Variants in RBPJ observed in about 807,000 individuals in gnomAD.
RBPJ encodes recombining binding protein suppressor of hairless.
A neutral mutation model predicts 67.8 loss-of-function variants in RBPJ; 9 were observed. That is an observed-to-expected ratio of 0.13 (90% CI 0.08 to 0.23). RBPJ has a LOEUF of 0.23. RBPJ is among the 10% of genes least tolerant of loss of function. The probability of loss-of-function intolerance (pLI) is 1.00; values close to 1 mark genes in which losing one functional copy is unlikely to be tolerated. For synonymous variants in RBPJ, 198 were observed against 203.3 expected (o/e 0.97, Z 0.22); for missense variants, 305 against 595.6 (o/e 0.51, Z 5.08).
chr4:26,318,575 A>T (rs1333156403), upstream of RBPJ, among the ~76,000 whole-genome samples: 1 of 152,246 alleles, frequency 6.6e-6, no homozygotes, highest in Admixed American at 6.5e-5. Flanking sequence ...AAGAAATTTT[A>T]AAAATCGTGT....
intron 1 of RBPJ, among the ~76,000 whole-genome samples, chr4:26,273,905 C>T (rs989782610): frequency 6.6e-5 from 10 of 152,146 alleles, no homozygotes; most frequent in African/African-American, 9.7e-5. Context: ...CGATTAGGCC[C>T]GGCTTTACTT....
intron 1 of RBPJ, among the ~76,000 whole-genome samples, chr4:26,368,619 G>T (rs557016277): frequency 3.3e-5 from 5 of 152,178 alleles, no homozygotes; most frequent in Non-Finnish European, 7.3e-5. Flanking sequence ...AAACTAAACT[G>T]CATTCTAGTT....
rs1560212209 is a variant in RBPJ at position 26,210,756 on chromosome 4, T to TTTACTTCTTTACTTCTTTCC, written c.-167+47144_-167+47145insACTTCTTTACTTCTTTCCTT. ...CTTTACTTCTTTCCTTCTTTCCTTC[T>TTTACTTCTTTACTTCTTTCC]TTCTTTCTTTCTTTCTTTCTTTCTT... On this transcript the variant is annotated intron_variant, in intron 1 of 4. Transcript: ENST00000512351. Among the ~76,000 whole-genome samples the TTTACTTCTTTACTTCTTTCC allele has an allele frequency of 7.4e-5, 8 of 108,434 alleles. No homozygotes were observed. The East Asian group carries it at 2.1e-3, about 29-fold the overall frequency. 71.1% of individuals were successfully genotyped at this position (108,434 alleles called of 152,430 possible).
At chr4:26,418,263 C>T (rs530682895) in intron 4 of RBPJ, among the ~76,000 whole-genome samples, 13 of 152,220 alleles carry the variant, frequency 8.5e-5, no homozygotes, top group African/African-American at 2.6e-4. Flanking sequence ...TCTAGAATTC[C>T]GTTAGCTAAT....
chr4:26,111,222 T>C, the RBPJ span, among the ~76,000 whole-genome samples: 1 of 152,010 alleles, frequency 6.6e-6, no homozygotes, highest in Non-Finnish European at 1.5e-5. Flanking sequence ...CAAACTCTTC[T>C]CATTGAGAGT....
chr4:26,266,480 G>A (rs1288968024), intron 1 of RBPJ, among the ~76,000 whole-genome samples: 1 of 152,134 alleles, frequency 6.6e-6, no homozygotes, highest in Non-Finnish European at 1.5e-5. Context: ...TAAACTAGGG[G>A]AAACTTAGCA....
intron 1 of RBPJ, among the ~76,000 whole-genome samples, chr4:26,164,245 G>A (rs1294485587): frequency 6.6e-6 from 1 of 152,204 alleles, no homozygotes; most frequent in African/African-American, 2.4e-5. Flanking sequence ...AAATGTTCAT[G>A]CATGCGTTTA....
the RBPJ span, among the ~76,000 whole-genome samples, chr4:26,145,405 C>T: frequency 6.6e-6 from 1 of 152,186 alleles, no homozygotes; most frequent in East Asian, 1.9e-4. Context: ...TGTCCACAGC[C>T]CCACCCAAAG....
intron 1 of RBPJ, among the ~76,000 whole-genome samples, chr4:26,218,171 G>A (rs7692708): frequency 0.73 from 110,680 of 152,072 alleles, 40,821 homozygotes; most frequent in East Asian, 0.91. Flanking sequence ...GATCTGGGTT[G>A]GGAGACCCTA....
chr4:26,374,334 G>A (rs1408687498), intron 1 of RBPJ, among the ~76,000 whole-genome samples: 1 of 152,118 alleles, frequency 6.6e-6, no homozygotes, highest in Non-Finnish European at 1.5e-5. Context: ...CTGAAGGTTT[G>A]GGAAGGTAAT....
chr4:26,226,834 T>C (rs1382353756), intron 1 of RBPJ, among the ~76,000 whole-genome samples: 1 of 152,186 alleles, frequency 6.6e-6, no homozygotes, highest in African/African-American at 2.4e-5. Context: ...TTAGAATGCA[T>C]GCAATAAAAC....
chr4:26,308,004 C>T (rs944715350), intron 1 of RBPJ, among the ~76,000 whole-genome samples: 3 of 152,158 alleles, frequency 2.0e-5, no homozygotes, highest in Admixed American at 6.5e-5. Flanking sequence ...AGGCCTGGAG[C>T]GGTGGCTCAC....
At chr4:26,121,831 A>G in the RBPJ span, among the ~76,000 whole-genome samples, 2 of 151,336 alleles carry the variant, frequency 1.3e-5, no homozygotes, top group Non-Finnish European at 2.9e-5. Flanking sequence ...AGCAATTAAG[A>G]TTACACACAA....
At chr4:26,345,983 A>C (rs879901715) in intron 1 of RBPJ, among the ~76,000 whole-genome samples, 1 of 152,158 alleles carries the variant, frequency 6.6e-6, no homozygotes, top group Non-Finnish European at 1.5e-5. Flanking sequence ...TTCTCTTTTT[A>C]AAATGTCTGT....
At chr4:26,400,878 G>A (rs1732707705) in intron 2 of RBPJ, among the ~76,000 whole-genome samples, 1 of 152,182 alleles carries the variant, frequency 6.6e-6, no homozygotes, top group African/African-American at 2.4e-5. Context: ...CCAGTGCCTA[G>A]AATATAGTAA....
chr4:26,172,190 C>A (rs1175658131), intron 1 of RBPJ, among the ~76,000 whole-genome samples: 2 of 152,098 alleles, frequency 1.3e-5, no homozygotes, highest in African/African-American at 4.8e-5. Flanking sequence ...ACAGACAGCC[C>A]CTGAGTCACA....
chr4:26,126,254 G>A, the RBPJ span, among the ~76,000 whole-genome samples: 20 of 152,318 alleles, frequency 1.3e-4, no homozygotes, highest in East Asian at 3.5e-3. Flanking sequence ...GCCTCTTATG[G>A]AGGCTTTTAG....
intron 1 of RBPJ, among the ~76,000 whole-genome samples, chr4:26,292,797 C>T (rs886564486): frequency 4.0e-5 from 6 of 148,248 alleles, no homozygotes; most frequent in African/African-American, 1.5e-4. Flanking sequence ...GAGGTATATA[C>T]ATATATATAT....
In RBPJ at chr4:26,427,678, G is replaced by A. The variant is rs574810557; in HGVS notation, c.748-1042G>A. Among the ~76,000 whole-genome samples the A allele has an allele frequency of 1.9e-4, 29 of 152,278 alleles. No homozygotes were observed. In the South Asian group the frequency reaches 3.5e-3, roughly 19 times the overall value. Reference sequence around the variant, plus strand: ...GGCTTTGAAAAGCAGTTGTAGTGGCGTCTTTGAGATAAAAGGTTGGAGAGA... The same window carrying A: ...GGCTTTGAAAAGCAGTTGTAGTGGCATCTTTGAGATAAAAGGTTGGAGAGA... On this transcript the variant is annotated intron_variant, in intron 7 of 10. Coordinates refer to ENST00000355476, the MANE Select transcript of RBPJ (RefSeq NM_015874.6).
Sources: gnomAD v4.1 joint callset for allele counts (sites outside exome capture counted in the v4.1 genomes callset) on GRCh38, gnomAD v4.1.1 for gene constraint, MANE v1.5 for transcripts, NCBI Gene and HGNC (gene_info 2026-07-23, HGNC 2026-07-21) for gene names.